PLXNB2: variants seen among roughly 807,000 people sequenced by gnomAD.
PLXNB2 encodes plexin B2.
PLXNB2 carries 85 observed loss-of-function variants against 202.6 expected under a neutral mutation model. The observed-to-expected ratio is 0.42, with a 90% confidence interval of 0.35 to 0.50. The LOEUF is 0.50. PLXNB2 is among the 20% of genes least tolerant of loss of function. The pLI, the probability that PLXNB2 is intolerant of heterozygous loss-of-function variation, is 0.02. For missense variants in PLXNB2, 2,063 were observed against 2,586.2 expected (o/e 0.80, Z 4.39); for synonymous variants, 1,239 against 1,137.6 (o/e 1.09, Z -1.79).
At chr22:50,287,524 C>T in intron 7 of PLXNB2, 143 bp downstream of exon 7, 1 of 953,672 alleles carries the variant, frequency 1.0e-6, no homozygotes, top group Non-Finnish European at 1.5e-6. Context: ...AGGGCGGGCT[C>T]CATCCCTAAG....
chr22:50,288,439 G>A lies in PLXNB2; in HGVS notation c.1380+304C>T, dbSNP rs921203750. 1.3e-5 allele frequency among the ~76,000 whole-genome samples: 2 copies of A among 152,146 alleles called. No individual in the cohort carries two copies. Among genetic ancestry groups the A allele is most frequent in the Non-Finnish European group, 1.5e-5 (1 of 68,024 alleles). On this transcript the variant is annotated intron_variant, in intron 5 of 36. Transcript: ENST00000359337. This position sits in a 1 kb window ranked among gnomAD's most constrained non-coding sequence, Gnocchi z 5.0. ...TCTTCCCATCCACCCTCAGCAACAC[G>A]CCTCAGACACCAACCCAGGTCCCTT...
intron 1 of PLXNB2, among the ~76,000 whole-genome samples, chr22:50,296,756 A>G (rs1448889083): frequency 6.6e-6 from 1 of 152,080 alleles, no homozygotes; most frequent in Non-Finnish European, 1.5e-5. Flanking sequence ...CAGCCTGGCC[A>G]GGTTGTGTGC....
chr22:50,307,484 C>G (rs2067932811), intron 1 of PLXNB2, 69 bp downstream of exon 1: 1 of 872,158 alleles, frequency 1.1e-6, no homozygotes, highest in Non-Finnish European at 1.4e-6. Flanking sequence ...GGCGGAGCGG[C>G]GCTGACGGCG....
At chr22:50,307,005 A>G (rs2067907944) in intron 1 of PLXNB2, among the ~76,000 whole-genome samples, 1 of 151,824 alleles carries the variant, frequency 6.6e-6, no homozygotes, top group Non-Finnish European at 1.5e-5. Flanking sequence ...CGCTTCTGAG[A>G]CTTTCTGTGT....
In PLXNB2 at chr22:50,281,354, G is replaced by A; in HGVS notation, c.3662+6C>T. The A allele has an allele frequency of 1.2e-6, 2 of 1,611,406 alleles. No homozygotes were observed. The highest frequency in any genetic ancestry group is 1.7e-5 in the Admixed American group (1 of 59,884). On this transcript the variant is annotated splice_donor_region_variant and intron_variant, in intron 22 of 36. Transcript: ENST00000359337. ...GGGTGTTGGCACAGCCGGGGGGCGG[G>A]CTCACCAGTAGCAGTAGACAGACAC...
In PLXNB2 at chr22:50,287,189, G is replaced by A. The variant is rs1372707455; in HGVS notation, c.1684C>T (p.Pro562Ser). 6.5e-7 allele frequency: 1 copy of A among 1,548,842 alleles called. No homozygotes were observed. The highest frequency in any genetic ancestry group is 1.2e-5 in the South Asian group (1 of 83,916). The change falls in exon 8 of 37, where the codon CCA (proline) becomes TCA (serine). Residue 562 changes from proline to serine, a missense_variant. Pro to Ser is a moderately conservative substitution (Grantham distance 74). Coordinates refer to ENST00000359337, the MANE Select transcript of PLXNB2 (RefSeq NM_012401.4). ...TCGCCCTCCACGCGGGCGGGGTGTG[G>A]CGGCGACTCCCCAAAAAGGCACAGC... ...ELLCLFGESP[P>S]HPARVEGEAV... is the part of the protein sequence containing the mutation.
rs2066267603 is a variant in PLXNB2 at position 50,284,435 on chromosome 22, G to C, written c.2181+138C>G. The C allele has an allele frequency of 2.7e-6, 2 of 746,660 alleles. No homozygotes were observed. Among genetic ancestry groups the C allele is most frequent in the African/African-American group, 3.5e-5 (2 of 57,758 alleles). The allele number at this position is 746,660 out of a possible 1,614,324, so 46.3% of individuals were successfully genotyped here. The stretch of plus-strand genomic sequence containing the variant: ...AGAGGGGGCTTCCCCAGCAGCACAG[G>C]GCATGGCGAGCCCCTGGCTGGGCTC... On this transcript the variant is annotated intron_variant, in intron 12 of 36. Transcript: ENST00000359337. This position sits in a 1 kb window ranked among gnomAD's most constrained non-coding sequence, Gnocchi z 8.0.
chr22:50,289,077 C>T lies in PLXNB2; in HGVS notation c.1134G>A (p.Gly378=). ...HLPYPLGSRD[G]LRGTAVLQRG... Reference sequence around the variant, plus strand: ...GCTGCAGCACGGCTGTGCCTCTGAGCCCGTCGCGGCTGCCCAGCGGGTAGG... The same window carrying T: ...GCTGCAGCACGGCTGTGCCTCTGAGTCCGTCGCGGCTGCCCAGCGGGTAGG... The change falls in exon 4 of 37, where the codon GGG becomes GGA. Residue 378 remains glycine, a synonymous_variant. Coordinates refer to ENST00000359337, the MANE Select transcript of PLXNB2 (RefSeq NM_012401.4). This position sits in a 1 kb window ranked among gnomAD's most constrained non-coding sequence, Gnocchi z 8.0. 1 of 1,601,138 alleles carries T rather than the reference C, an allele frequency of 6.2e-7. No individual in the cohort carries two copies. Among genetic ancestry groups the T allele is most frequent in the Non-Finnish European group, 8.5e-7 (1 of 1,173,768 alleles).
At chr22:50,301,678 C>G (rs1208893022) in intron 1 of PLXNB2, among the ~76,000 whole-genome samples, 1 of 152,216 alleles carries the variant, frequency 6.6e-6, no homozygotes, top group Non-Finnish European at 1.5e-5. Context: ...GCAGCTGGCT[C>G]AAGACCAGCC....
chr22:50,285,686 C>T (rs1347651440), intron 11 of PLXNB2, 114 bp downstream of exon 11: 1 of 625,500 alleles, frequency 1.6e-6, no homozygotes, highest in African/African-American at 2.6e-5. Flanking sequence ...CCTGAGCCTG[C>T]CTGTCACCGG....
chr22:50,276,749 A>C lies in PLXNB2; in HGVS notation c.5262-45T>G, dbSNP rs1003008349. 5 of 1,603,650 alleles carry C rather than the reference A, an allele frequency of 3.1e-6. No homozygotes were observed. The African/African-American group carries it at 5.4e-5, about 17-fold the overall frequency. Reference sequence around the variant, plus strand: ...ATACAGTGTGGGCGGCAGGGACCACAAAGGGGGTGGTGGGGGAAACCAAGG... The same window carrying C: ...ATACAGTGTGGGCGGCAGGGACCACCAAGGGGGTGGTGGGGGAAACCAAGG... On this transcript the variant is annotated intron_variant, in intron 34 of 36. Transcript: ENST00000359337.
Position 50,282,745 on chromosome 22 carries a change from G to A in PLXNB2, c.2953C>T (p.Leu985=), listed in dbSNP as rs1157803356. The change falls in exon 18 of 37, where the codon CTG becomes TTG. Residue 985 remains leucine (L), a synonymous_variant. Coordinates refer to ENST00000359337, the MANE Select transcript of PLXNB2 (RefSeq NM_012401.4). ...IFFTYRENPV[L]RAFEPLRSFA... ...CTTCGTAGCGGCTCGAAGGCTCGCA[G>A]TACGGGGTTTTCGCGGTAGGTGAAG... The A allele has an allele frequency of 6.4e-7, 1 of 1,567,924 alleles. No homozygotes were observed. Among genetic ancestry groups the A allele is most frequent in the Non-Finnish European group, 8.6e-7 (1 of 1,162,966 alleles).
intron 1 of PLXNB2, among the ~76,000 whole-genome samples, chr22:50,302,716 G>C (rs28714287): frequency 2.1e-5 from 3 of 145,768 alleles, no homozygotes; most frequent in East Asian, 2.0e-4. Context: ...GAGAGGGAGT[G>C]GGGGGGGCCA....
chr22:50,277,072 T>C (rs1486813200), intron 33 of PLXNB2, among the ~76,000 whole-genome samples, 166 bp from the exon 34 acceptor site: 1 of 152,064 alleles, frequency 6.6e-6, no homozygotes, highest in Non-Finnish European at 1.5e-5. Context: ...TTTGGGAGGC[T>C]GAGGCAGGCA....
intron 1 of PLXNB2, among the ~76,000 whole-genome samples, chr22:50,306,317 G>A (rs1435862860): frequency 1.3e-5 from 2 of 152,304 alleles, no homozygotes; most frequent in East Asian, 3.9e-4. Flanking sequence ...TTCTCAGTCG[G>A]CTCTGGGGAT....
At chr22:50,295,422 T>C (rs2067191223) in intron 1 of PLXNB2, among the ~76,000 whole-genome samples, 1 of 152,150 alleles carries the variant, frequency 6.6e-6, no homozygotes, top group Non-Finnish European at 1.5e-5. Flanking sequence ...CTGTGCCTCA[T>C]TCTCCATCTG....
At chr22:50,279,908 C>A in intron 26 of PLXNB2, 97 bp downstream of exon 26, 1 of 1,394,250 alleles carries the variant, frequency 7.2e-7, no homozygotes, top group South Asian at 1.2e-5. Flanking sequence ...CCAGGCAGGG[C>A]CCACCTCAAG....
chr22:50,299,709 G>C (rs112258532), intron 1 of PLXNB2, among the ~76,000 whole-genome samples: 1 of 152,078 alleles, frequency 6.6e-6, no homozygotes, highest in Non-Finnish European at 1.5e-5. Context: ...GCGCGCGGGA[G>C]ACCCGGCGAG....
At chr22:50,282,350 G>A (rs758309162) in intron 18 of PLXNB2, 37 bp from the exon 19 acceptor site, 2 of 1,565,832 alleles carry the variant, frequency 1.3e-6, no homozygotes, top group Admixed American at 1.9e-5. Context: ...TCGGCTGGCA[G>A]GGGTGGTCCC....
Sources: allele counts gnomAD v4.1 joint callset (sites outside exome capture counted in the v4.1 genomes callset), GRCh38; gene constraint gnomAD v4.1.1; non-coding constraint Gnocchi (gnomAD v3.1); transcripts MANE v1.5; gene names NCBI Gene and HGNC (gene_info 2026-07-23, HGNC 2026-07-21).